Variants in L3MBTL2 observed in about 807,000 individuals in gnomAD.
The protein encoded by L3MBTL2 is lethal(3)malignant brain tumor-like protein 2.
L3MBTL2 carries 49 observed loss-of-function variants against 86.4 expected under a neutral mutation model. The observed-to-expected ratio is 0.57, with a 90% CI of 0.45 to 0.72. L3MBTL2 has a LOEUF of 0.72. L3MBTL2 is among the 30% of genes least tolerant of loss of function. L3MBTL2 has a pLI of 0.00. For synonymous variants in L3MBTL2, 336 were observed against 350.6 expected (o/e 0.96, Z 0.47); for missense variants, 755 against 923.7 (o/e 0.82, Z 2.37).
At position 41,225,525 on chromosome 22, in the gene L3MBTL2, G is replaced by T. The variant is rs540921873; in HGVS notation, c.1357-269G>T. ...CGCGGATCCGCTCCATGCCGGGCGC[G>T]TGTGCTCACCCAAGAACACGGTCCA... On this transcript the variant is annotated intron_variant, in intron 11 of 16. Coordinates refer to ENST00000216237, the MANE Select transcript of L3MBTL2 (RefSeq NM_031488.5). The surrounding 1 kb of genome is among the most constrained non-coding windows in gnomAD (Gnocchi z 4.1). Among the ~76,000 whole-genome samples the T allele has an allele frequency of 3.1e-4, 47 of 152,284 alleles. No individual in the cohort carries two copies. The highest frequency in any genetic ancestry group is 6.2e-4 in the South Asian group (3 of 4,830).
intron 2 of L3MBTL2, among the ~76,000 whole-genome samples, chr22:41,213,041 C>T (rs948245371): frequency 6.6e-6 from 1 of 152,132 alleles, no homozygotes; most frequent in East Asian, 1.9e-4. Context: ...CATGGTGAAA[C>T]CCCGTCTCTA....
At chr22:41,212,835 C>G (rs2031004983) in intron 2 of L3MBTL2, among the ~76,000 whole-genome samples, 1 of 149,656 alleles carries the variant, frequency 6.7e-6, no homozygotes, top group Non-Finnish European at 1.5e-5. Flanking sequence ...TCGAAGGTTG[C>G]AATGAGCCAA....
intron 2 of L3MBTL2, among the ~76,000 whole-genome samples, chr22:41,211,433 C>G (rs1036703772): frequency 1.7e-4 from 26 of 151,682 alleles, no homozygotes; most frequent in Admixed American, 7.9e-4. Context: ...CTTGAACTCC[C>G]AAGCTCAAGT....
Position 41,209,800 on chromosome 22 carries a change from G to C in L3MBTL2, c.129G>C (p.Glu43Asp), listed in dbSNP as rs2145567270. Residue 43 changes from glutamate (E) to aspartate (D), a missense_variant, in exon 2 of 17, where the codon GAG (glutamate) becomes GAC (aspartate). Transcript: ENST00000216237. ...FRSYNSSVGSESSSYLEESSE... is the reference protein window; with the variant it reads ...FRSYNSSVGSDSSSYLEESSE... ...GTTATAACAGCAGTGTGGGCAGTGA[G>C]AGCAGCTCCTATCTGGAGGAGTCAA... The C allele has an allele frequency of 6.2e-7, 1 of 1,614,232 alleles. No individual in the cohort carries two copies. Among genetic ancestry groups the C allele is most frequent in the Non-Finnish European group, 8.5e-7 (1 of 1,180,052 alleles).
At chr22:41,218,530 G>A (rs1005806260) in intron 5 of L3MBTL2, 2 of 152,120 alleles carry the variant, frequency 1.3e-5, no homozygotes, top group East Asian at 3.9e-4. Flanking sequence ...TCTCCCAAAG[G>A]AGAATCAAAA....
intron 13 of L3MBTL2, 102 bp from the exon 14 acceptor site, chr22:41,226,987 C>A (rs2032227378): frequency 5.7e-6 from 6 of 1,047,064 alleles, no homozygotes; most frequent in Non-Finnish European, 8.4e-6. Context: ...CATTCCAGTC[C>A]CCGCCCCTCC....
rs1209541101 is a variant in L3MBTL2 at position 41,231,190 on chromosome 22, G to GAGGA, written c.*940_*943dup. 6.6e-6 allele frequency: 1 copy of GAGGA among 152,180 alleles called. No homozygotes were observed. Among genetic ancestry groups the GAGGA allele is most frequent in the Non-Finnish European group, 1.5e-5 (1 of 68,044 alleles). 9.4% of individuals were successfully genotyped at this position (152,180 alleles called of 1,614,324 possible). A position where few individuals can be genotyped will look rare whatever the true frequency, so the allele number is the denominator to read the frequency against. On this transcript the variant is annotated 3_prime_UTR_variant, in exon 17 of 17. Coordinates refer to ENST00000216237, the MANE Select transcript of L3MBTL2 (RefSeq NM_031488.5). ...CCTCAAGACAAGGATGACAGAGCTGGAGGACACATCTAGCTGCCATTGCAA... is the reference window on the plus strand; with the variant it reads ...CCTCAAGACAAGGATGACAGAGCTGGAGGAAGGACACATCTAGCTGCCATTGCAA...
Position 41,209,722 on chromosome 22 carries a change from G to C in L3MBTL2, c.51G>C (p.Glu17Asp). Reference protein sequence around the residue: ...IEETPSSEPMEEEEDDDLELF... With the variant: ...IEETPSSEPMDEEEDDDLELF... ...AGACCCCATCTTCAGAACCAATGGAGGAAGAGGAAGATGACGACTTGGAGC... is the reference window on the plus strand; with the variant it reads ...AGACCCCATCTTCAGAACCAATGGACGAAGAGGAAGATGACGACTTGGAGC... The change falls in exon 2 of 17, where the codon GAG becomes GAC. Residue 17 changes from glutamate to aspartate, a missense_variant. Physicochemically the swap from Glu to Asp is conservative, Grantham distance 45. Around this residue, in one of 3 missense-constraint regions of L3MBTL2, gnomAD observed 103 missense variants for 105.2 expected, o/e 0.98. Coordinates refer to ENST00000216237, the MANE Select transcript of L3MBTL2 (RefSeq NM_031488.5). 6.2e-7 allele frequency: 1 copy of C among 1,614,188 alleles called. No individual in the cohort carries two copies. Among genetic ancestry groups the C allele is most frequent in the African/African-American group, 1.3e-5 (1 of 75,050 alleles).
intron 1 of L3MBTL2, chr22:41,209,463 C>T: frequency 2.1e-6 from 1 of 485,948 alleles, no homozygotes; most frequent in Non-Finnish European, 3.8e-6. Context: ...ATTTGTAAAT[C>T]CACAGAGGAG....
chr22:41,209,749 G>A lies in L3MBTL2; in HGVS notation c.78G>A (p.Leu26=). 6.2e-7 allele frequency: 1 copy of A among 1,614,206 alleles called. No individual in the cohort carries two copies. The highest frequency in any genetic ancestry group is 1.1e-5 in the South Asian group (1 of 91,086). The change falls in exon 2 of 17, where the codon CTG becomes CTA. Residue 26 remains leucine (L), a synonymous_variant. Transcript: ENST00000216237. ...AAGAGGAAGATGACGACTTGGAGCTGTTTGGTGGCTATGATAGTTTCCGGA... is the reference window on the plus strand; with the variant it reads ...AAGAGGAAGATGACGACTTGGAGCTATTTGGTGGCTATGATAGTTTCCGGA... The part of the protein sequence containing the change: ...MEEEEDDDLE[L]FGGYDSFRSY...
Position 41,221,270 on chromosome 22 carries a change from G to A in L3MBTL2, c.925G>A (p.Val309Met), listed in dbSNP as rs374138813. Residue 309 changes from valine to methionine, a missense_variant, in exon 8 of 17, where the codon GTG (valine) becomes ATG (methionine). Physicochemically the swap from Val to Met is conservative, Grantham distance 21. Around this residue, in one of 3 missense-constraint regions of L3MBTL2, gnomAD observed 634 missense variants for 748.9 expected, o/e 0.85. Coordinates refer to ENST00000216237, the MANE Select transcript of L3MBTL2 (RefSeq NM_031488.5). Reference sequence around the variant, plus strand: ...GCTGGTGGGCTCCAGGACGCTTCCCGTGGATTTCCACATCAAGGTCGGCAG... The same window carrying A: ...GCTGGTGGGCTCCAGGACGCTTCCCATGGATTTCCACATCAAGGTCGGCAG... The part of the protein sequence containing the change: ...KRLVGSRTLP[V>M]DFHIKMVESM... 30 of 1,551,460 alleles carry A rather than the reference G, an allele frequency of 1.9e-5. No homozygotes were observed. The highest frequency in any genetic ancestry group is 1.9e-4 in the African/African-American group (14 of 73,068).
chr22:41,230,093 C>T, intron 16 of L3MBTL2, 46 bp from the exon 17 acceptor site: 1 of 965,792 alleles, frequency 1.0e-6, no homozygotes, highest in Non-Finnish European at 1.6e-6. Context: ...CCACCCCTCC[C>T]AGAGTTATTT....
chr22:41,216,214 T>G lies in L3MBTL2; in HGVS notation c.472T>G (p.Ser158Ala). 3 of 1,614,058 alleles carry G rather than the reference T, an allele frequency of 1.9e-6. No homozygotes were observed. The highest frequency in any genetic ancestry group is 2.5e-6 in the Non-Finnish European group (3 of 1,179,990). Residue 158 changes from serine (S) to alanine (A), a missense_variant, in exon 4 of 17, where the codon TCT becomes GCT. By Grantham distance (99) the Ser-to-Ala change is moderately conservative. Around this residue, in one of 3 missense-constraint regions of L3MBTL2, gnomAD observed 634 missense variants for 748.9 expected, o/e 0.85. Transcript: ENST00000216237. ...WSAKIGAFLHSQGTGQLADGT... is the reference protein window; with the variant it reads ...WSAKIGAFLHAQGTGQLADGT... ...TGCCAAAATTGGAGCCTTCCTCCAC[T>G]CTCAAGGGACAGGACAGCTGGCAGA...
rs576932901 is a variant in L3MBTL2, at chr22:41,216,867, C to T, written c.521-256C>T. Among the ~76,000 whole-genome samples, 9 of 152,282 alleles carry T rather than the reference C, an allele frequency of 5.9e-5. No homozygotes were observed. The East Asian group carries it at 1.4e-3, about 23-fold the overall frequency. ...GTTTTCCCCTTTGGGGGAAGAAGGG[C>T]GAGAAATTTCCCTTTGAATGTTCCT... On this transcript the variant is annotated intron_variant, in intron 4 of 16. Coordinates refer to ENST00000216237, the MANE Select transcript of L3MBTL2 (RefSeq NM_031488.5).
chr22:41,224,648 G>A lies in L3MBTL2; in HGVS notation c.1175-77G>A. 9.6e-7 allele frequency: 1 copy of A among 1,045,416 alleles called. No homozygotes were observed. Among genetic ancestry groups the A allele is most frequent in the South Asian group, 1.3e-5 (1 of 76,942 alleles). 64.8% of individuals were successfully genotyped at this position (1,045,416 alleles called of 1,614,324 possible). A position where few individuals can be genotyped will look rare whatever the true frequency, so the allele number is the denominator to read the frequency against. ...GTGCAGAGCAGCCCCACATTCCCAG[G>A]GGAGGCGTGTGGAGATGGCCCAGGA... On this transcript the variant is annotated intron_variant, in intron 9 of 16. Coordinates refer to ENST00000216237, the MANE Select transcript of L3MBTL2 (RefSeq NM_031488.5). The surrounding 1 kb of genome is among the most constrained non-coding windows in gnomAD (Gnocchi z 4.9).
intron 2 of L3MBTL2, among the ~76,000 whole-genome samples, chr22:41,211,010 G>A (rs1031992596): frequency 6.6e-6 from 1 of 152,120 alleles, no homozygotes; most frequent in Non-Finnish European, 1.5e-5. Context: ...AAGTGACCCT[G>A]GGTAGGAGGA....
intron 2 of L3MBTL2, among the ~76,000 whole-genome samples, chr22:41,211,839 G>C (rs1184148728): frequency 7.1e-6 from 1 of 141,664 alleles, no homozygotes; most frequent in Non-Finnish European, 1.5e-5. Flanking sequence ...TTACAGGCGT[G>C]AGCCACCGCA....
At position 41,227,040 on chromosome 22, in the gene L3MBTL2, G is replaced by A; in HGVS notation, c.1588-49G>A. The A allele has an allele frequency of 6.6e-7, 1 of 1,511,150 alleles. No individual in the cohort carries two copies. Among genetic ancestry groups the A allele is most frequent in the Non-Finnish European group, 9.0e-7 (1 of 1,110,768 alleles). 93.6% of individuals were successfully genotyped at this position (1,511,150 alleles called of 1,614,324 possible). A position where few individuals can be genotyped will look rare whatever the true frequency, so the allele number is the denominator to read the frequency against. ...GCCTCCGGGCCGGGGCAAGCCTGCT[G>A]GGGTAGGGAGCTGACTGGCTTGGCC... On this transcript the variant is annotated intron_variant, in intron 13 of 16. Coordinates refer to ENST00000216237, the MANE Select transcript of L3MBTL2 (RefSeq NM_031488.5). This position sits in a 1 kb window ranked among gnomAD's most constrained non-coding sequence, Gnocchi z 6.0.
chr22:41,205,466 A>G (rs757819457), intron 1 of L3MBTL2, 80 bp downstream of exon 1: 8 of 1,523,030 alleles, frequency 5.3e-6, no homozygotes, highest in Middle Eastern at 1.7e-4. Flanking sequence ...TAGGGCTTTT[A>G]GCGACGCCTG....
Sources: gnomAD v4.1 joint callset for allele counts (sites outside exome capture counted in the v4.1 genomes callset) on GRCh38, gnomAD v4.1.1 for gene constraint, gnomAD v4.1.1 regional missense constraint, Gnocchi (gnomAD v3.1) non-coding constraint, MANE v1.5 for transcripts, NCBI Gene and HGNC (gene_info 2026-07-23, HGNC 2026-07-21) for gene names.